Variants in ASAP1 observed in about 807,000 individuals in gnomAD.
ASAP1 encodes the protein arf-GAP with SH3 domain, ANK repeat and PH domain-containing protein 1.
A neutral mutation model predicts 145.2 loss-of-function variants in ASAP1; 43 were observed. The ratio of observed to expected loss-of-function variants is 0.30; its 90% CI spans 0.23 to 0.38. The LOEUF (loss-of-function observed/expected upper bound fraction) is 0.38, where lower values mean the gene tolerates loss of function less well. ASAP1 is among the 10% of genes least tolerant of loss of function. The pLI, the probability that ASAP1 is intolerant of heterozygous loss-of-function variation, is 1.00. For missense variants in ASAP1, 1,018 were observed against 1,355.3 expected (o/e 0.75, Z 3.91); for synonymous variants, 546 against 515.5 (o/e 1.06, Z -0.80).
chr8:130,100,850 G>A (rs2097527585), intron 24 of ASAP1, among the ~76,000 whole-genome samples: 1 of 152,100 alleles, frequency 6.6e-6, no homozygotes, highest in Admixed American at 6.6e-5. Flanking sequence ...GATATCGTCT[G>A]CTTTGTCTAT....
intron 27 of ASAP1, chr8:130,069,483 C>A (rs745930092): frequency 2.6e-5 from 4 of 152,174 alleles, no homozygotes; most frequent in Admixed American, 6.5e-5. Flanking sequence ...ACAATCCACT[C>A]GCCTTAGCCT....
At chr8:130,094,618 G>A (rs1216845478) in intron 24 of ASAP1, among the ~76,000 whole-genome samples, 1 of 152,080 alleles carries the variant, frequency 6.6e-6, no homozygotes, top group African/African-American at 2.4e-5. Flanking sequence ...TTTTGCAGCC[G>A]AGAACTCAGA....
chr8:130,328,689 T>C (rs1161600632), intron 3 of ASAP1, among the ~76,000 whole-genome samples: 2 of 151,742 alleles, frequency 1.3e-5, no homozygotes, highest in Admixed American at 6.6e-5. Context: ...GGTGTGATCA[T>C]AGCTCACTGC....
intron 18 of ASAP1, 49 bp from the exon 19 acceptor site, chr8:130,118,724 G>C (rs2097560527): frequency 1.6e-6 from 2 of 1,270,814 alleles, no homozygotes; most frequent in African/African-American, 1.5e-5. Context: ...TGCTAGGAAA[G>C]GTTTACATTT....
chr8:130,117,997 C>T (rs1243190316), intron 20 of ASAP1, among the ~76,000 whole-genome samples, 164 bp downstream of exon 20: 1 of 152,154 alleles, frequency 6.6e-6, no homozygotes, highest in Admixed American at 6.5e-5. Context: ...AAGTGAATAG[C>T]TCTGACAGAG....
At chr8:130,230,381 C>T (rs1036034236) in intron 4 of ASAP1, among the ~76,000 whole-genome samples, 3 of 152,064 alleles carry the variant, frequency 2.0e-5, no homozygotes, top group African/African-American at 7.2e-5. Flanking sequence ...TAAGAAGCCT[C>T]GGGTTTTAAT....
chr8:130,419,758 C>T (rs1178714101), intron 1 of ASAP1, among the ~76,000 whole-genome samples: 1 of 152,090 alleles, frequency 6.6e-6, no homozygotes. Flanking sequence ...GGGGCTCCCT[C>T]TCTAGGGGTC....
intron 2 of ASAP1, among the ~76,000 whole-genome samples, chr8:130,383,065 G>C (rs1305503935): frequency 1.3e-5 from 2 of 152,134 alleles, no homozygotes; most frequent in African/African-American, 4.8e-5. Context: ...ACACACTGAC[G>C]GTCTTCCCTC....
At chr8:130,189,093 G>A (rs1586555382) in intron 5 of ASAP1, among the ~76,000 whole-genome samples, 1 of 152,098 alleles carries the variant, frequency 6.6e-6, no homozygotes, top group East Asian at 1.9e-4. Flanking sequence ...TGATACAAGC[G>A]TACAATGTAT....
In ASAP1 at chr8:130,401,889, T is replaced by A; in HGVS notation, c.55A>T (p.Asn19Tyr). ...GATGGGCTAGAGATCACTCACCGAT[T>A]CCATAGTGAATCTCTCGACGAAAAA... ...SSFSSRDSLW[N>Y]RMPDQISVSE... Residue 19 changes from asparagine to tyrosine, a missense_variant, in exon 2 of 30, where the codon AAT becomes TAT. This residue lies in a region of ASAP1 where 106 missense variants were observed against 134.5 expected (regional missense o/e 0.79). Transcript: ENST00000518721. 1 of 1,613,652 alleles carries A rather than the reference T, an allele frequency of 6.2e-7. No individual in the cohort carries two copies. Among genetic ancestry groups the A allele is most frequent in the East Asian group, 2.2e-5 (1 of 44,870 alleles).
intron 3 of ASAP1, among the ~76,000 whole-genome samples, chr8:130,289,892 C>T (rs1006778571): frequency 1.3e-5 from 2 of 152,174 alleles, no homozygotes; most frequent in East Asian, 1.9e-4. Context: ...ATATCCAGTA[C>T]GTTTCTAGTT....
chr8:130,226,298 G>A (rs1817583667), intron 4 of ASAP1, among the ~76,000 whole-genome samples: 1 of 152,166 alleles, frequency 6.6e-6, no homozygotes, highest in Non-Finnish European at 1.5e-5. Context: ...ATATTATTGG[G>A]GAATGAGGGC....
intron 18 of ASAP1, among the ~76,000 whole-genome samples, chr8:130,123,785 G>A (rs890954868): frequency 2.0e-5 from 3 of 151,998 alleles, no homozygotes; most frequent in Non-Finnish European, 2.9e-5. Flanking sequence ...CTGCCACCAC[G>A]CCCGGCTAAT....
At chr8:130,215,577 AC>A (rs1363013014) in intron 4 of ASAP1, among the ~76,000 whole-genome samples, 2 of 152,054 alleles carry the variant, frequency 1.3e-5, no homozygotes, top group African/African-American at 4.8e-5. Flanking sequence ...CCCCATCTCT[AC>A]TAAAAATACA....
At chr8:130,321,043 A>G (rs1823972647) in intron 3 of ASAP1, among the ~76,000 whole-genome samples, 1 of 152,216 alleles carries the variant, frequency 6.6e-6, no homozygotes, top group Non-Finnish European at 1.5e-5. Flanking sequence ...GGCTGAGGAA[A>G]CCTAAGGATC....
rs1201637803 is a variant in ASAP1, at chr8:130,200,187, T to C, written c.406-12004A>G. On this transcript the variant is annotated intron_variant, in intron 5 of 29. Coordinates refer to ENST00000518721, the MANE Select transcript of ASAP1 (RefSeq NM_018482.4). The stretch of plus-strand genomic sequence containing the variant: ...CCAGTAACTAAATAATATATAATCA[T>C]GAGATGTGTAGAGATTTCAAACTAT... Among the ~76,000 whole-genome samples the C allele has an allele frequency of 2.6e-5, 4 of 152,148 alleles. 1 individual carries two copies. The highest frequency in any genetic ancestry group is 5.9e-5 in the Non-Finnish European group (4 of 68,028).
At chr8:130,252,075 T>C (rs1027067458) in intron 3 of ASAP1, among the ~76,000 whole-genome samples, 2 of 152,216 alleles carry the variant, frequency 1.3e-5, no homozygotes, top group South Asian at 2.1e-4. Context: ...CAGTGTTTTA[T>C]AGAAAGTTAG....
At chr8:130,097,560 C>T (rs977276267) in intron 24 of ASAP1, among the ~76,000 whole-genome samples, 2 of 152,172 alleles carry the variant, frequency 1.3e-5, no homozygotes, top group African/African-American at 4.8e-5. Flanking sequence ...TCCTTAGCCT[C>T]GGGGATGCCT....
At chr8:130,362,711 A>G (rs1418881899) in intron 2 of ASAP1, among the ~76,000 whole-genome samples, 1 of 152,228 alleles carries the variant, frequency 6.6e-6, no homozygotes. Flanking sequence ...CAGTCTTCAG[A>G]GACCTCGCTT....
Sources: allele counts gnomAD v4.1 joint callset (sites outside exome capture counted in the v4.1 genomes callset), GRCh38; gene constraint gnomAD v4.1.1; regional missense constraint gnomAD v4.1.1; transcripts MANE v1.5; gene names NCBI Gene and HGNC (gene_info 2026-07-23, HGNC 2026-07-21).